The following MERTK variants were observed in gnomAD, a reference collection of about 807,000 sequenced individuals.
MERTK encodes MER proto-oncogene, tyrosine kinase, also known as tyrosine-protein kinase Mer.
MERTK carries 69 observed loss-of-function variants against 99.3 expected under a neutral mutation model. The observed-to-expected ratio is 0.70, with a 90% CI of 0.57 to 0.85. The LOEUF (loss-of-function observed/expected upper bound fraction) is 0.85, where lower values mean the gene tolerates loss of function less well. Ranked by LOEUF, MERTK falls within the 40% of genes least tolerant of loss-of-function variation. The pLI, the probability that MERTK is intolerant of heterozygous loss-of-function variation, is 0.00. For missense variants in MERTK, 1,125 were observed against 1,249.4 expected, an observed-to-expected ratio of 0.90 and a Z score of 1.50; for synonymous variants, 426 against 467.6, an observed-to-expected ratio of 0.91 and a Z score of 1.15.
chr2:111,990,629 A>T (rs550368605), intron 8 of MERTK, among the ~76,000 whole-genome samples: 2 of 152,314 alleles, frequency 1.3e-5, no homozygotes, highest in African/African-American at 4.8e-5. Context: ...AGTATCCCTT[A>T]TCCAAAGTGT....
Position 112,007,853 on chromosome 2 carries a change from G to A in MERTK, c.1868-530G>A, listed in dbSNP as rs1380675716. 5.0e-5 allele frequency among the ~76,000 whole-genome samples: 7 copies of A among 140,008 alleles called. No homozygotes were observed. The Admixed American group carries it at 5.1e-4, about 10-fold the overall frequency. 91.9% of individuals were successfully genotyped at this position (140,008 alleles called of 152,430 possible). Reference sequence around the variant, plus strand: ...GAATTGTTCTTTGTTTTGGTGTTGGGGTTTTTTTTTTGGAATTTTTTTTCT... The same window carrying A: ...GAATTGTTCTTTGTTTTGGTGTTGGAGTTTTTTTTTTGGAATTTTTTTTCT... On this transcript the variant is annotated intron_variant, in intron 13 of 18. Transcript: ENST00000295408.
intron 2 of MERTK, among the ~76,000 whole-genome samples, chr2:111,931,218 C>T (rs960283682): frequency 6.6e-6 from 1 of 151,954 alleles, no homozygotes; most frequent in African/African-American, 2.4e-5. Context: ...CATTTTTTCC[C>T]CCAGGTTGTA....
At chr2:111,914,151 C>T (rs1684305572) in intron 1 of MERTK, among the ~76,000 whole-genome samples, 1 of 137,154 alleles carries the variant, frequency 7.3e-6, no homozygotes, top group African/African-American at 2.9e-5. Flanking sequence ...GTCACCCAGG[C>T]TGGAGTGCAG....
intron 6 of MERTK, 35 bp from the exon 7 acceptor site, chr2:111,975,254 C>G: frequency 6.2e-7 from 1 of 1,610,590 alleles, no homozygotes. Flanking sequence ...CACCACCTTA[C>G]TAATGCCCGG....
chr2:111,974,567 C>T (rs1676200119), intron 6 of MERTK, among the ~76,000 whole-genome samples: 3 of 151,876 alleles, frequency 2.0e-5, no homozygotes, highest in Admixed American at 2.0e-4. Flanking sequence ...GTCAGGAGTT[C>T]GAGGCCAGCA....
chr2:111,909,446 G>A (rs1014495928), intron 1 of MERTK, among the ~76,000 whole-genome samples: 6 of 152,164 alleles, frequency 3.9e-5, no homozygotes, highest in African/African-American at 1.4e-4. Flanking sequence ...AAATTCCCCA[G>A]ACCTCCACAA....
chr2:111,976,586 A>G (rs922273929), intron 7 of MERTK, among the ~76,000 whole-genome samples: 3 of 151,634 alleles, frequency 2.0e-5, no homozygotes, highest in Admixed American at 2.0e-4. Flanking sequence ...TATTATATAT[A>G]TGTACATATA....
At position 112,019,938 on chromosome 2, in the gene MERTK, T is replaced by A. The variant is rs572511699; in HGVS notation, c.2189+416T>A. On this transcript the variant is annotated intron_variant, in intron 16 of 18. Transcript: ENST00000295408. Reference sequence around the variant, plus strand: ...TTAGGAAGAAGTTTTGTACTTTGAATACATGGAAGCTGTCCTTTCACAGCA... The same window carrying A: ...TTAGGAAGAAGTTTTGTACTTTGAAAACATGGAAGCTGTCCTTTCACAGCA... Among the ~76,000 whole-genome samples, 4 of 152,370 alleles carry A rather than the reference T, an allele frequency of 2.6e-5. No homozygotes were observed. In the South Asian group the frequency reaches 8.3e-4, roughly 32 times the overall value.
intron 1 of MERTK, among the ~76,000 whole-genome samples, chr2:111,915,855 A>AT (rs1376382521): frequency 6.6e-6 from 1 of 152,196 alleles, no homozygotes; most frequent in African/African-American, 2.4e-5. Flanking sequence ...AGATTGCACT[A>AT]TTGCACTCTA....
chr2:111,917,194 A>T (rs1319112920), intron 1 of MERTK, among the ~76,000 whole-genome samples: 1 of 150,916 alleles, frequency 6.6e-6, no homozygotes. Context: ...CTGGGTGGGG[A>T]TGGAAGGCCT....
chr2:111,986,392 G>A (rs914382307), intron 8 of MERTK, among the ~76,000 whole-genome samples: 1 of 152,114 alleles, frequency 6.6e-6, no homozygotes, highest in Non-Finnish European at 1.5e-5. Flanking sequence ...AAGCATAAAG[G>A]TTCAGTAGGA....
chr2:112,016,801 C>T (rs950643116), intron 15 of MERTK, among the ~76,000 whole-genome samples: 4 of 152,202 alleles, frequency 2.6e-5, no homozygotes, highest in African/African-American at 7.2e-5. Flanking sequence ...AAATATTCTA[C>T]ACTGCTGACT....
intron 1 of MERTK, among the ~76,000 whole-genome samples, chr2:111,906,912 G>T (rs1445308960): frequency 6.6e-6 from 1 of 152,246 alleles, no homozygotes; most frequent in Non-Finnish European, 1.5e-5. Flanking sequence ...AAATGGGAAA[G>T]CAGATGGATG....
chr2:111,907,334 A>G (rs1455549197), intron 1 of MERTK, among the ~76,000 whole-genome samples: 3 of 152,192 alleles, frequency 2.0e-5, no homozygotes, highest in African/African-American at 7.2e-5. Flanking sequence ...GAATCACTTG[A>G]ACCCAGGAGG....
chr2:111,914,802 A>G (rs1234959773), intron 1 of MERTK, among the ~76,000 whole-genome samples: 1 of 151,992 alleles, frequency 6.6e-6, no homozygotes, highest in Non-Finnish European at 1.5e-5. Flanking sequence ...ATTTGTTGAT[A>G]TTTTGTTAAT....
At position 111,929,102 on chromosome 2, in the gene MERTK, G is replaced by A. The variant is rs750138539; in HGVS notation, c.62-18G>A. ...CTTCTTATTTAAAAGGCTAAAATTT[G>A]GATGTTCTGTTTTACAGCTATCACT... is the stretch of plus-strand genomic sequence containing the variant. On this transcript the variant is annotated intron_variant, in intron 1 of 18. Coordinates refer to ENST00000295408, the MANE Select transcript of MERTK (RefSeq NM_006343.3). 5.9e-5 allele frequency: 96 copies of A among 1,613,934 alleles called. No individual in the cohort carries two copies. The East Asian group carries it at 2.0e-3, about 34-fold the overall frequency.
At chr2:111,945,836 C>T (rs1684952283) in intron 3 of MERTK, among the ~76,000 whole-genome samples, 1 of 152,248 alleles carries the variant, frequency 6.6e-6, no homozygotes, top group South Asian at 2.1e-4. Flanking sequence ...CTCCTCACTA[C>T]CCCTGGGGGC....
At chr2:111,902,638 G>T (rs1558764850) in intron 1 of MERTK, among the ~76,000 whole-genome samples, 1 of 151,854 alleles carries the variant, frequency 6.6e-6, no homozygotes, top group African/African-American at 2.4e-5. Context: ...CTCATCCTTT[G>T]GGTTTCAGTT....
In MERTK at chr2:111,947,493, A is replaced by G. The variant is rs377346429; in HGVS notation, c.683A>G (p.Asn228Ser). 16 of 1,614,060 alleles carry G rather than the reference A, an allele frequency of 9.9e-6. No individual in the cohort carries two copies. The highest frequency in any genetic ancestry group is 1.6e-4 in the Middle Eastern group (1 of 6,084). Residue 228 changes from asparagine (N) to serine (S), a missense_variant, in exon 4 of 19, where the codon AAC (asparagine) becomes AGC (serine). Asn to Ser is a conservative substitution (Grantham distance 46). Transcript: ENST00000295408. ...CQAVGPPEPVNIFWVQNSSRV... is the reference protein window; with the variant it reads ...CQAVGPPEPVSIFWVQNSSRV... ...GCTGTGGGCCCGCCTGAGCCCGTCAACATTTTCTGGGTTCAAAACAGTAGC... is the reference window on the plus strand; with the variant it reads ...GCTGTGGGCCCGCCTGAGCCCGTCAGCATTTTCTGGGTTCAAAACAGTAGC...
Sources: allele counts gnomAD v4.1 joint callset (sites outside exome capture counted in the v4.1 genomes callset), GRCh38; gene constraint gnomAD v4.1.1; transcripts MANE v1.5; gene names NCBI Gene and HGNC (gene_info 2026-07-23, HGNC 2026-07-21).